UBR1: variants seen among roughly 807,000 people sequenced by gnomAD.
UBR1 encodes ubiquitin protein ligase E3 component n-recognin 1.
A neutral mutation model predicts 242.1 loss-of-function variants in UBR1; 102 were observed. The ratio of observed to expected loss-of-function variants is 0.42; its 90% CI spans 0.36 to 0.50. The LOEUF (loss-of-function observed/expected upper bound fraction) is 0.50, where lower values mean the gene tolerates loss of function less well. Ranked by LOEUF, UBR1 falls within the 20% of genes least tolerant of loss-of-function variation. UBR1 has a pLI of 0.01. For missense variants in UBR1, 1,772 were observed against 2,101.8 expected, an observed-to-expected ratio of 0.84 and a Z score of 3.07; for synonymous variants, 675 against 684.8, an observed-to-expected ratio of 0.99 and a Z score of 0.22.
At chr15:42,990,802 C>CCA (rs1396244806) in intron 33 of UBR1, among the ~76,000 whole-genome samples, 1 of 152,130 alleles carries the variant, frequency 6.6e-6, no homozygotes, top group Non-Finnish European at 1.5e-5. Flanking sequence ...TGATCTGAAG[C>CCA]CAAGCTGCCT....
intron 39 of UBR1, among the ~76,000 whole-genome samples, chr15:42,973,887 T>A (rs2032245808): frequency 7.3e-6 from 1 of 136,824 alleles, no homozygotes; most frequent in Non-Finnish European, 1.5e-5. Flanking sequence ...TTGTAGGAGT[T>A]TTTTTTTTTT....
At chr15:43,099,877 C>T (rs8028608) in intron 1 of UBR1, among the ~76,000 whole-genome samples, 11,161 of 150,430 alleles carry the variant, frequency 0.074, 597 homozygotes, top group Non-Finnish European at 0.1. Context: ...ACAAGAGGTG[C>T]CTCTTTTTTT....
chr15:43,099,629 C>A (rs1482704124), intron 1 of UBR1, among the ~76,000 whole-genome samples: 1 of 152,064 alleles, frequency 6.6e-6, no homozygotes, highest in African/African-American at 2.4e-5. Flanking sequence ...TCTATTACCC[C>A]CACTTCCTCT....
chr15:43,071,805 A>G (rs1021575221), intron 4 of UBR1, among the ~76,000 whole-genome samples: 5 of 152,236 alleles, frequency 3.3e-5, no homozygotes, highest in Admixed American at 3.3e-4. Context: ...TGAATGCTCC[A>G]TATCATAAGC....
intron 3 of UBR1, among the ~76,000 whole-genome samples, chr15:43,080,008 C>T (rs2033957423): frequency 6.6e-6 from 1 of 152,162 alleles, no homozygotes; most frequent in Non-Finnish European, 1.5e-5. Context: ...GGGAACACTA[C>T]ACATGTACCC....
At chr15:42,954,662 G>C (rs1027107008) in intron 44 of UBR1, among the ~76,000 whole-genome samples, 1 of 152,160 alleles carries the variant, frequency 6.6e-6, no homozygotes, top group Non-Finnish European at 1.5e-5. Flanking sequence ...GTGCCTGCAC[G>C]TTGAAGTGAC....
At position 43,057,971 on chromosome 15, in the gene UBR1, G is replaced by A. The variant is rs796214548; in HGVS notation, c.1182+370C>T. 4.6e-5 allele frequency among the ~76,000 whole-genome samples: 7 copies of A among 151,340 alleles called. No homozygotes were observed. In the South Asian group the frequency reaches 6.3e-4, roughly 14 times the overall value. Reference sequence around the variant, plus strand: ...GTTGCCCAGACTAGAGGGCAGTGGCGCGATCTTGGCTCACTGCAACCTCTG... The same window carrying A: ...GTTGCCCAGACTAGAGGGCAGTGGCACGATCTTGGCTCACTGCAACCTCTG... On this transcript the variant is annotated intron_variant, in intron 10 of 46. Transcript: ENST00000290650.
At chr15:43,002,274 G>A (rs1346708778) in intron 32 of UBR1, among the ~76,000 whole-genome samples, 1 of 152,092 alleles carries the variant, frequency 6.6e-6, no homozygotes, top group African/African-American at 2.4e-5. Flanking sequence ...AGTGCAGTGG[G>A]GCAATCTCGA....
At chr15:42,950,221 G>A in intron 46 of UBR1, 41 bp downstream of exon 46, 1 of 1,476,116 alleles carries the variant, frequency 6.8e-7, no homozygotes, top group Non-Finnish European at 9.5e-7. Context: ...ACATAAAAGA[G>A]AACTTACTGA....
intron 22 of UBR1, 117 bp downstream of exon 22, chr15:43,027,659 T>G: frequency 1.1e-6 from 1 of 881,174 alleles, no homozygotes; most frequent in Non-Finnish European, 1.8e-6. Context: ...CTAATCTGTA[T>G]TCCACTCTTA....
chr15:43,059,277 T>A, intron 8 of UBR1, 85 bp from the exon 9 acceptor site: 1 of 1,280,112 alleles, frequency 7.8e-7, no homozygotes, highest in South Asian at 1.2e-5. Flanking sequence ...GTTGCCCAGG[T>A]TGGTCTTGAA....
intron 6 of UBR1, among the ~76,000 whole-genome samples, chr15:43,064,889 T>G (rs1418510576): frequency 6.6e-6 from 1 of 152,150 alleles, no homozygotes; most frequent in African/African-American, 2.4e-5. Flanking sequence ...ATCTTTATCA[T>G]CAAACAGGGT....
At chr15:42,975,751 T>C (rs2032278953) in intron 39 of UBR1, among the ~76,000 whole-genome samples, 1 of 152,062 alleles carries the variant, frequency 6.6e-6, no homozygotes. Flanking sequence ...TGGAGTGCCA[T>C]GGCGTAAAGG....
At chr15:43,038,043 G>T in intron 16 of UBR1, 128 bp downstream of exon 16, 1 of 1,230,400 alleles carries the variant, frequency 8.1e-7, no homozygotes, top group Non-Finnish European at 1.2e-6. Context: ...TGTACTATAT[G>T]AAGATGTAAA....
intron 29 of UBR1, among the ~76,000 whole-genome samples, chr15:43,014,537 C>T (rs1488047142): frequency 2.0e-5 from 3 of 150,150 alleles, no homozygotes; most frequent in African/African-American, 7.4e-5. Flanking sequence ...CCCCACCGCC[C>T]CGTCTGGGAT....
At chr15:42,978,132 G>C (rs1453768334) in intron 37 of UBR1, among the ~76,000 whole-genome samples, 185 bp from the exon 38 acceptor site, 1 of 152,186 alleles carries the variant, frequency 6.6e-6, no homozygotes, top group Non-Finnish European at 1.5e-5. Flanking sequence ...AAGGCTGCTA[G>C]AAAGCCTTGG....
intron 4 of UBR1, among the ~76,000 whole-genome samples, chr15:43,073,040 A>C (rs2033842022): frequency 1.3e-5 from 2 of 152,044 alleles, no homozygotes; most frequent in Admixed American, 1.3e-4. Flanking sequence ...ATACGCCTAT[A>C]ATCTCAGCTA....
At chr15:42,972,074 T>A (rs544730581) in intron 39 of UBR1, among the ~76,000 whole-genome samples, 7 of 152,316 alleles carry the variant, frequency 4.6e-5, no homozygotes, top group Admixed American at 4.6e-4. Context: ...GTGTTTACAT[T>A]CTATGAGTTT....
intron 30 of UBR1, among the ~76,000 whole-genome samples, chr15:43,005,150 C>T (rs2032792491): frequency 1.3e-5 from 2 of 152,016 alleles, no homozygotes; most frequent in African/African-American, 2.4e-5. Context: ...GGCAGCCACC[C>T]CATCTGGGAA....
Sources: gnomAD v4.1 joint callset for allele counts (sites outside exome capture counted in the v4.1 genomes callset) on GRCh38, gnomAD v4.1.1 for gene constraint, MANE v1.5 for transcripts, NCBI Gene and HGNC (gene_info 2026-07-23, HGNC 2026-07-21) for gene names.